CCSER1: variants seen among roughly 807,000 people sequenced by gnomAD.
CCSER1 encodes the protein coiled-coil serine rich protein 1.
In CCSER1, 41 loss-of-function variants were observed where a neutral mutation model predicts 82.0. The ratio of observed to expected loss-of-function variants is 0.50; its 90% CI spans 0.39 to 0.65. CCSER1 has a LOEUF of 0.65. CCSER1 is among the 30% of genes least tolerant of loss of function. The pLI is 0.00. For missense variants in CCSER1, 1,119 were observed against 1,064.2 expected (o/e 1.05, Z -0.72); for synonymous variants, 414 against 383.9 (o/e 1.08, Z -0.92).
chr4:91,180,096 G>T (rs951025369), intron 10 of CCSER1, among the ~76,000 whole-genome samples: 1 of 152,196 alleles, frequency 6.6e-6, no homozygotes, highest in African/African-American at 2.4e-5. Flanking sequence ...CTTTGCCTGG[G>T]TATCACCAGT....
chr4:91,365,887 G>T (rs139384565), intron 10 of CCSER1, among the ~76,000 whole-genome samples: 1 of 152,118 alleles, frequency 6.6e-6, no homozygotes, highest in Admixed American at 6.5e-5. Context: ...CCCATGAGAA[G>T]TTCCCTATGG....
chr4:91,554,141 A>G (rs1011648727), intron 10 of CCSER1, among the ~76,000 whole-genome samples: 1 of 151,486 alleles, frequency 6.6e-6, no homozygotes. Context: ...ATCCTCTGAC[A>G]TTGTTTATTC....
intron 5 of CCSER1, among the ~76,000 whole-genome samples, chr4:90,530,662 A>G (rs1774389277): frequency 6.6e-6 from 1 of 152,118 alleles, no homozygotes; most frequent in African/African-American, 2.4e-5. Context: ...TGGCGCTTGT[A>G]GGTATGTTAT....
At chr4:91,300,111 A>G (rs2149236855) in intron 10 of CCSER1, among the ~76,000 whole-genome samples, 1 of 152,096 alleles carries the variant, frequency 6.6e-6, no homozygotes, top group African/African-American at 2.4e-5. Flanking sequence ...CTTTTGGAAG[A>G]GAGAATTAAT....
At chr4:91,284,494 G>A (rs372148073) in intron 10 of CCSER1, among the ~76,000 whole-genome samples, 10 of 151,992 alleles carry the variant, frequency 6.6e-5, no homozygotes, top group African/African-American at 9.7e-5. Flanking sequence ...ATTTCAGTTC[G>A]GGAGATTTCT....
At chr4:91,378,233 G>T (rs1288808410) in intron 10 of CCSER1, among the ~76,000 whole-genome samples, 1 of 152,136 alleles carries the variant, frequency 6.6e-6, no homozygotes, top group Admixed American at 6.5e-5. Flanking sequence ...GGCCATGCAG[G>T]CTCTTTTGTG....
chr4:90,662,788 G>C (rs530709856), intron 6 of CCSER1, among the ~76,000 whole-genome samples: 4 of 152,088 alleles, frequency 2.6e-5, no homozygotes, highest in Non-Finnish European at 5.9e-5. Flanking sequence ...CTTGTCTTTT[G>C]TTTCTGGTAC....
At chr4:91,257,256 A>G (rs1740761145) in intron 10 of CCSER1, among the ~76,000 whole-genome samples, 1 of 152,182 alleles carries the variant, frequency 6.6e-6, no homozygotes, top group African/African-American at 2.4e-5. Flanking sequence ...AATAAGTTAT[A>G]TCACGTCCCA....
chr4:90,822,660 G>T (rs1258020284), intron 8 of CCSER1, among the ~76,000 whole-genome samples: 3 of 150,734 alleles, frequency 2.0e-5, no homozygotes, highest in Non-Finnish European at 4.4e-5. Flanking sequence ...CCTGGGAGGC[G>T]GAGGCTGCAG....
chr4:90,702,962 C>T (rs573129151), intron 6 of CCSER1, among the ~76,000 whole-genome samples: 3 of 152,222 alleles, frequency 2.0e-5, no homozygotes, highest in Non-Finnish European at 4.4e-5. Context: ...TTTTTTATGC[C>T]TCTATCGCCT....
chr4:91,106,592 A>G (rs541419121), intron 10 of CCSER1, among the ~76,000 whole-genome samples: 3 of 152,326 alleles, frequency 2.0e-5, no homozygotes, highest in South Asian at 2.1e-4. Context: ...AGACATGACT[A>G]TAACTACTAT....
intron 6 of CCSER1, among the ~76,000 whole-genome samples, chr4:90,695,039 TA>T (rs1736759133): frequency 6.7e-6 from 1 of 148,330 alleles, no homozygotes; most frequent in African/African-American, 2.5e-5. Flanking sequence ...ATAATTAGAA[TA>T]TATGTATATA....
chr4:90,463,518 G>A (rs1763219668), intron 4 of CCSER1, among the ~76,000 whole-genome samples: 3 of 152,070 alleles, frequency 2.0e-5, no homozygotes, highest in Admixed American at 2.0e-4. Flanking sequence ...TGTCTATCTT[G>A]TCATTTAAAT....
chr4:91,459,437 C>T (rs1223595025), intron 10 of CCSER1, among the ~76,000 whole-genome samples: 1 of 152,034 alleles, frequency 6.6e-6, no homozygotes, highest in Non-Finnish European at 1.5e-5. Context: ...AGCATCCTAC[C>T]ACCTAGCAAG....
intron 3 of CCSER1, among the ~76,000 whole-genome samples, chr4:90,386,801 A>G (rs1750131171): frequency 6.6e-6 from 1 of 152,184 alleles, no homozygotes; most frequent in African/African-American, 2.4e-5. Flanking sequence ...TGATTTTCAT[A>G]TGGCTGCTGC....
At chr4:91,375,369 T>C (rs544960039) in intron 10 of CCSER1, among the ~76,000 whole-genome samples, 2 of 152,178 alleles carry the variant, frequency 1.3e-5, no homozygotes, top group East Asian at 3.8e-4. Context: ...ATAAACTTAG[T>C]TGATAAAGCA....
chr4:90,321,171 C>T (rs1450747435), intron 3 of CCSER1, among the ~76,000 whole-genome samples: 1 of 152,086 alleles, frequency 6.6e-6, no homozygotes, highest in Non-Finnish European at 1.5e-5. Flanking sequence ...ATTCATTCTA[C>T]ATAACTATAT....
chr4:90,990,646 A>ATGCAC (rs1736948249), intron 9 of CCSER1, among the ~76,000 whole-genome samples: 1 of 151,922 alleles, frequency 6.6e-6, no homozygotes, highest in Non-Finnish European at 1.5e-5. Flanking sequence ...TTGGGCCCAG[A>ATGCAC]TGCACTGAAT....
At chr4:91,457,052 T>C (rs564615301) in intron 10 of CCSER1, among the ~76,000 whole-genome samples, 4 of 152,118 alleles carry the variant, frequency 2.6e-5, no homozygotes, top group Non-Finnish European at 5.9e-5. Flanking sequence ...GAAAGGAACA[T>C]ACAATCCATG....
Sources: gnomAD v4.1 joint callset for allele counts (sites outside exome capture counted in the v4.1 genomes callset) on GRCh38, gnomAD v4.1.1 for gene constraint, MANE v1.5 for transcripts, NCBI Gene and HGNC (gene_info 2026-07-23, HGNC 2026-07-21) for gene names.